EWSR1: variants seen among roughly 807,000 people sequenced by gnomAD.
EWSR1 encodes EWS RNA binding protein 1, also known as RNA-binding protein EWS.
A neutral mutation model predicts 92.1 loss-of-function variants in EWSR1; 14 were observed. The observed-to-expected ratio is 0.15, with a 90% confidence interval of 0.10 to 0.24. The LOEUF is 0.24. Among genes scored for constraint, EWSR1 ranks in the 10% least tolerant of loss-of-function variants. The pLI, the probability that EWSR1 is intolerant of heterozygous loss-of-function variation, is 1.00. For missense variants in EWSR1, 637 were observed against 870.9 expected (o/e 0.73, Z 3.38); for synonymous variants, 303 against 292.9 (o/e 1.03, Z -0.35).
chr22:29,272,757 A>G (rs1287283254), intron 3 of EWSR1, among the ~76,000 whole-genome samples: 1 of 152,240 alleles, frequency 6.6e-6, no homozygotes, highest in Non-Finnish European at 1.5e-5. Context: ...GAAGAGGATG[A>G]TATGACCATT....
chr22:29,281,922 A>G (rs2059638413), intron 5 of EWSR1, among the ~76,000 whole-genome samples: 1 of 152,160 alleles, frequency 6.6e-6, no homozygotes, highest in Non-Finnish European at 1.5e-5. Context: ...AGAAACATAA[A>G]CCCACAAATT....
chr22:29,298,092 G>T (rs2061008996), intron 13 of EWSR1, 143 bp downstream of exon 13: 6 of 1,015,100 alleles, frequency 5.9e-6, no homozygotes, highest in African/African-American at 1.6e-5. Flanking sequence ...ATGAATGTTT[G>T]TTGGGAATAA....
chr22:29,281,581 T>G lies in EWSR1; in HGVS notation c.414-809T>G, dbSNP rs1366937986. 4.0e-4 allele frequency among the ~76,000 whole-genome samples: 61 copies of G among 150,694 alleles called. 1 individual carries two copies. Among genetic ancestry groups the G allele is most frequent in the Admixed American group, 3.9e-3 (59 of 15,110 alleles). ...CAGCCTCCCAAAGTGCTGGGATTTT[T>G]TTTGTTTGTTTGTTTTTGAGACGGA... On this transcript the variant is annotated intron_variant, in intron 5 of 16. Coordinates refer to ENST00000397938, the MANE Select transcript of EWSR1 (RefSeq NM_005243.4).
intron 4 of EWSR1, chr22:29,275,720 C>G (rs2059056805): frequency 4.4e-6 from 1 of 229,108 alleles, no homozygotes; most frequent in Admixed American, 5.7e-5. Flanking sequence ...TAGAAATACA[C>G]TGTTCTCTTC....
At chr22:29,288,517 A>T in intron 7 of EWSR1, 89 bp from the exon 8 acceptor site, 1 of 1,321,776 alleles carries the variant, frequency 7.6e-7, no homozygotes, top group Non-Finnish European at 1.0e-6. Context: ...AGTGCCTTGG[A>T]ATTGAGGATT....
chr22:29,278,421 T>C (rs1185176839), intron 5 of EWSR1, among the ~76,000 whole-genome samples: 3 of 152,216 alleles, frequency 2.0e-5, no homozygotes, highest in Non-Finnish European at 4.4e-5. Context: ...GCGCGGTTTC[T>C]CATGCCTGTA....
At chr22:29,280,202 G>T (rs1456931172) in intron 5 of EWSR1, among the ~76,000 whole-genome samples, 1 of 152,044 alleles carries the variant, frequency 6.6e-6, no homozygotes, top group African/African-American at 2.4e-5. Context: ...CGAGTAGCTG[G>T]GACTACGGGC....
rs370187565 is a variant in EWSR1 at position 29,285,087 on chromosome 22, G to T, written c.582-1836G>T. 2.2e-3 allele frequency among the ~76,000 whole-genome samples: 333 copies of T among 150,290 alleles called. 12 individuals are homozygous for T. Among genetic ancestry groups the T allele is most frequent in the African/African-American group, 7.9e-3 (316 of 39,956 alleles). On this transcript the variant is annotated intron_variant, in intron 6 of 16. Transcript: ENST00000397938. ...ACCCGTCTCTGCCTCCCAAAGTGCT[G>T]GGATTACAGGTGTGAGCCACTGCTT...
intron 4 of EWSR1, chr22:29,274,561 A>T (rs905717831): frequency 6.5e-5 from 27 of 413,954 alleles, no homozygotes; most frequent in Non-Finnish European, 1.1e-4. Context: ...ATTTCTCCCC[A>T]GCTGATTTTC....
chr22:29,293,843 C>T (rs916834700), intron 11 of EWSR1, among the ~76,000 whole-genome samples: 2 of 152,036 alleles, frequency 1.3e-5, no homozygotes, highest in African/African-American at 4.8e-5. Flanking sequence ...TTTGTGATTG[C>T]AGACATGAGC....
At chr22:29,281,563 C>A (rs527691696) in intron 5 of EWSR1, among the ~76,000 whole-genome samples, 1 of 152,250 alleles carries the variant, frequency 6.6e-6, no homozygotes, top group Non-Finnish European at 1.5e-5. Flanking sequence ...CCTCAGCCTC[C>A]CAAAGTGCTG....
chr22:29,271,230 G>T (rs1447193038), intron 1 of EWSR1, among the ~76,000 whole-genome samples: 4 of 152,106 alleles, frequency 2.6e-5, no homozygotes, highest in Non-Finnish European at 5.9e-5. Context: ...TTGTGGAGAA[G>T]AAAGAATTGG....
In EWSR1 at chr22:29,278,045, C is replaced by T; in HGVS notation, c.242C>T (p.Thr81Ile). Residue 81 changes from threonine to isoleucine, a missense_variant, in exon 5 of 17, where the codon ACT (threonine) becomes ATT (isoleucine). By Grantham distance (89) the Thr-to-Ile change is moderately conservative. Around this residue, in one of 5 missense-constraint regions of EWSR1, gnomAD observed 144 missense variants for 189.0 expected, o/e 0.76. Transcript: ENST00000397938. ...GQPPTGYTTP[T>I]APQAYSQPVQ... Reference sequence around the variant, plus strand: ...TTTGTTCTAGGTTATACTACTCCAACTGCCCCCCAGGCATACAGCCAGCCT... The same window carrying T: ...TTTGTTCTAGGTTATACTACTCCAATTGCCCCCCAGGCATACAGCCAGCCT... 6.2e-7 allele frequency: 1 copy of T among 1,613,770 alleles called. No individual in the cohort carries two copies. The highest frequency in any genetic ancestry group is 8.5e-7 in the Non-Finnish European group (1 of 1,179,736).
rs543015188 is a variant in EWSR1 at position 29,288,500 on chromosome 22, C to T, written c.794-106C>T. On this transcript the variant is annotated intron_variant, in intron 7 of 16. Coordinates refer to ENST00000397938, the MANE Select transcript of EWSR1 (RefSeq NM_005243.4). Reference sequence around the variant, plus strand: ...TATCGTGATGTAAAGAAGATGGTGCCTTGGTTAGTGCCTTGGAATTGAGGA... The same window carrying T: ...TATCGTGATGTAAAGAAGATGGTGCTTTGGTTAGTGCCTTGGAATTGAGGA... 2.4e-5 allele frequency: 26 copies of T among 1,097,782 alleles called. No individual in the cohort carries two copies. In the East Asian group the frequency reaches 6.1e-4, roughly 26 times the overall value. The allele number at this position is 1,097,782 out of a possible 1,614,324, so 68.0% of individuals were successfully genotyped here. A position where few individuals can be genotyped will look rare whatever the true frequency, so the allele number is the denominator to read the frequency against.
At position 29,299,850 on chromosome 22, in the gene EWSR1, A is replaced by G; in HGVS notation, c.1930A>G (p.Lys644Glu). Residue 644 changes from lysine (K) to glutamate (E), a missense_variant and splice_region_variant, in exon 16 of 17, where the codon AAA becomes GAA. Around this residue, in one of 5 missense-constraint regions of EWSR1, gnomAD observed 363 missense variants for 447.8 expected, o/e 0.81. Transcript: ENST00000397938. Reference protein sequence around the residue: ...GGRGGPGKMDKGEHRQERRDR... With the variant: ...GGRGGPGKMDEGEHRQERRDR... ...ACGTGGAGGACCTGGAAAAATGGAT[A>G]AGTAAGTGCTGGTGAAAAGCAGCTG... 1 of 1,539,204 alleles carries G rather than the reference A, an allele frequency of 6.5e-7. No individual in the cohort carries two copies. Among genetic ancestry groups the G allele is most frequent in the African/African-American group, 1.4e-5 (1 of 72,490 alleles).
chr22:29,280,862 G>T (rs368155942), intron 5 of EWSR1, among the ~76,000 whole-genome samples: 1,707 of 62,726 alleles, frequency 0.027, 55 homozygotes, highest in African/African-American at 0.079. Flanking sequence ...TGTGTGTGTT[G>T]TTTTTTTTTT....
Position 29,299,252 on chromosome 22 carries a change from C to T in EWSR1, c.1599C>T (p.Asn533=). Residue 533 remains asparagine, a synonymous_variant, in exon 15 of 17, where the codon AAC becomes AAT. Coordinates refer to ENST00000397938, the MANE Select transcript of EWSR1 (RefSeq NM_005243.4). ...QCPNPGCGNQ[N]FAWRTECNQC... ...TATGCAGGGGTTGTGGAAACCAGAACTTCGCCTGGAGAACAGAGTGCAACC... is the reference window on the plus strand; with the variant it reads ...TATGCAGGGGTTGTGGAAACCAGAATTTCGCCTGGAGAACAGAGTGCAACC... The T allele has an allele frequency of 6.2e-7, 1 of 1,614,130 alleles. No homozygotes were observed. Among genetic ancestry groups the T allele is most frequent in the Non-Finnish European group, 8.5e-7 (1 of 1,179,972 alleles).
At chr22:29,300,030 A>AAGGGCCC (rs2061223893) in intron 16 of EWSR1, 92 bp from the exon 17 acceptor site, 2 of 429,408 alleles carry the variant, frequency 4.7e-6, no homozygotes, top group African/African-American at 9.8e-5. Flanking sequence ...ATTCTAACCG[A>AAGGGCCC]TTGGGAGGAG....
chr22:29,300,424 C>A lies in EWSR1; in HGVS notation c.*263C>A. 1 of 370,126 alleles carries A rather than the reference C, an allele frequency of 2.7e-6. No homozygotes were observed. Among genetic ancestry groups the A allele is most frequent in the Non-Finnish European group, 4.8e-6 (1 of 206,458 alleles). The allele number at this position is 370,126 out of a possible 1,614,324, so 22.9% of individuals were successfully genotyped here. A position where few individuals can be genotyped will look rare whatever the true frequency, so the allele number is the denominator to read the frequency against. On this transcript the variant is annotated 3_prime_UTR_variant, in exon 17 of 17. Coordinates refer to ENST00000397938, the MANE Select transcript of EWSR1 (RefSeq NM_005243.4). ...AACCCCTTGTGAGCATGCTCAGTAT[C>A]ATTGTGGAGAACCAAGAGGGCCTCT...
Sources: gnomAD v4.1 joint callset for allele counts (sites outside exome capture counted in the v4.1 genomes callset) on GRCh38, gnomAD v4.1.1 for gene constraint, gnomAD v4.1.1 regional missense constraint, MANE v1.5 for transcripts, NCBI Gene and HGNC (gene_info 2026-07-23, HGNC 2026-07-21) for gene names.